NCKAP5: variants seen among roughly 807,000 people sequenced by gnomAD.
The protein encoded by NCKAP5 is nck-associated protein 5.
In NCKAP5, 92 loss-of-function variants were observed where a neutral mutation model predicts 167.0. The ratio of observed to expected loss-of-function variants is 0.55; its 90% CI spans 0.47 to 0.66. The LOEUF (loss-of-function observed/expected upper bound fraction) is 0.66, where lower values mean the gene tolerates loss of function less well. Ranked by LOEUF, NCKAP5 falls within the 30% of genes least tolerant of loss-of-function variation. The pLI, the probability that NCKAP5 is intolerant of heterozygous loss-of-function variation, is 0.00. For synonymous variants in NCKAP5, 891 were observed against 877.4 expected (o/e 1.02, Z -0.27); for missense variants, 2,378 against 2,315.0 (o/e 1.03, Z -0.56).
chr2:132,713,786 G>A (rs1689094712), intron 19 of NCKAP5, among the ~76,000 whole-genome samples: 1 of 152,152 alleles, frequency 6.6e-6, no homozygotes, highest in East Asian at 1.9e-4. Context: ...TATGATGCTT[G>A]TGGGGGGTTC....
chr2:133,568,701 T>C (rs1688735883), upstream of NCKAP5, among the ~76,000 whole-genome samples: 1 of 152,124 alleles, frequency 6.6e-6, no homozygotes, highest in East Asian at 1.9e-4. Context: ...AGACAGAGAA[T>C]CGCCTCCACC....
At chr2:133,477,848 C>T (rs1471573341) in intron 3 of NCKAP5, among the ~76,000 whole-genome samples, 2 of 152,100 alleles carry the variant, frequency 1.3e-5, no homozygotes, top group Non-Finnish European at 2.9e-5. Context: ...CAGGATGGTG[C>T]AGGTCAGCAT....
chr2:132,715,439 A>T (rs1689278729), intron 19 of NCKAP5, among the ~76,000 whole-genome samples: 1 of 152,208 alleles, frequency 6.6e-6, no homozygotes. Flanking sequence ...AAGGTCTCCA[A>T]GGAAACCCAA....
chr2:132,940,845 C>A (rs993099795), intron 8 of NCKAP5, among the ~76,000 whole-genome samples: 1 of 151,392 alleles, frequency 6.6e-6, no homozygotes, highest in Non-Finnish European at 1.5e-5. Flanking sequence ...AGAAGTGATA[C>A]TTTTCTTCTT....
chr2:133,516,578 C>T (rs908394195), intron 3 of NCKAP5, among the ~76,000 whole-genome samples: 12 of 152,126 alleles, frequency 7.9e-5, no homozygotes, highest in Admixed American at 2.0e-4. Flanking sequence ...CTAATCTGTC[C>T]GTGACAGAGC....
At chr2:133,518,649 T>C (rs758335584) in intron 2 of NCKAP5, among the ~76,000 whole-genome samples, 2 of 152,002 alleles carry the variant, frequency 1.3e-5, no homozygotes, top group African/African-American at 2.4e-5. Flanking sequence ...CCACCGCGCC[T>C]GGCCCAGTCC....
At chr2:133,254,877 A>G (rs945843432) in intron 4 of NCKAP5, among the ~76,000 whole-genome samples, 1 of 152,066 alleles carries the variant, frequency 6.6e-6, no homozygotes, top group Non-Finnish European at 1.5e-5. Flanking sequence ...GTGTTACTAA[A>G]TAAACATTTA....
chr2:132,884,935 G>A (rs1044990571), intron 8 of NCKAP5, among the ~76,000 whole-genome samples: 9 of 152,126 alleles, frequency 5.9e-5, no homozygotes, highest in South Asian at 2.1e-4. Flanking sequence ...CTTGCCTCAC[G>A]TTTACTGCTC....
chr2:133,163,430 C>T (rs757794988), intron 5 of NCKAP5, among the ~76,000 whole-genome samples: 17 of 152,284 alleles, frequency 1.1e-4, no homozygotes, highest in African/African-American at 1.9e-4. Context: ...CCATAGAAGA[C>T]GGGAGATGAA....
chr2:133,253,501 C>T (rs2088455977), intron 4 of NCKAP5, among the ~76,000 whole-genome samples: 1 of 152,314 alleles, frequency 6.6e-6, no homozygotes, highest in East Asian at 1.9e-4. Flanking sequence ...TTTATGCCCT[C>T]TCTACCACCC....
chr2:133,531,757 T>C (rs1685382110), intron 2 of NCKAP5, among the ~76,000 whole-genome samples: 2 of 152,220 alleles, frequency 1.3e-5, no homozygotes, highest in Admixed American at 6.5e-5. Flanking sequence ...TGAATCTCTA[T>C]AGTGCTTTAA....
chr2:133,326,180 G>A (rs907301096), intron 3 of NCKAP5, among the ~76,000 whole-genome samples: 2 of 152,196 alleles, frequency 1.3e-5, no homozygotes, highest in Admixed American at 6.5e-5. Context: ...ATAAGGCCGG[G>A]CACAGTGGCT....
chr2:132,994,909 C>A (rs182521342), intron 6 of NCKAP5, among the ~76,000 whole-genome samples: 2 of 152,238 alleles, frequency 1.3e-5, no homozygotes, highest in Admixed American at 6.5e-5. Flanking sequence ...ATGTCCTGAG[C>A]ACTGTAGAAA....
At chr2:133,052,297 A>G (rs1234431066) in intron 6 of NCKAP5, among the ~76,000 whole-genome samples, 1 of 152,224 alleles carries the variant, frequency 6.6e-6, no homozygotes, top group Admixed American at 6.5e-5. Flanking sequence ...GCTAGTCCGC[A>G]GCTACCAAGA....
At chr2:133,514,326 G>A (rs1042484418) in intron 3 of NCKAP5, among the ~76,000 whole-genome samples, 1 of 151,994 alleles carries the variant, frequency 6.6e-6, no homozygotes, top group Non-Finnish European at 1.5e-5. Flanking sequence ...TGTTACCAGG[G>A]CACACACACA....
chr2:133,656,575 C>A, the NCKAP5 span, among the ~76,000 whole-genome samples: 4 of 152,144 alleles, frequency 2.6e-5, no homozygotes, highest in African/African-American at 4.8e-5. Flanking sequence ...CCCTCTCCTC[C>A]TGTCCCCACA....
intron 6 of NCKAP5, among the ~76,000 whole-genome samples, chr2:133,039,261 A>G (rs574687280): frequency 2.0e-5 from 3 of 152,356 alleles, no homozygotes; most frequent in South Asian, 2.1e-4. Context: ...TGAAACCGAT[A>G]TTACTGACAA....
At chr2:133,404,737 A>G (rs1688316157) in intron 3 of NCKAP5, among the ~76,000 whole-genome samples, 1 of 152,216 alleles carries the variant, frequency 6.6e-6, no homozygotes, top group African/African-American at 2.4e-5. Flanking sequence ...TCTTTCTTGC[A>G]AATAACTATG....
intron 3 of NCKAP5, among the ~76,000 whole-genome samples, chr2:133,488,382 A>G (rs535707760): frequency 2.6e-5 from 4 of 152,290 alleles, no homozygotes; most frequent in African/African-American, 7.2e-5. Context: ...CATTGACTAG[A>G]GCTCTATCAA....
Sources: allele counts gnomAD v4.1 joint callset (sites outside exome capture counted in the v4.1 genomes callset), GRCh38; gene constraint gnomAD v4.1.1; transcripts MANE v1.5; gene names NCBI Gene and HGNC (gene_info 2026-07-23, HGNC 2026-07-21).